Variants in NAV3 observed in about 807,000 individuals in gnomAD.
NAV3 encodes the protein neuron navigator 3, also known as pore membrane and/or filament interacting like protein 1.
NAV3 carries 87 observed loss-of-function variants against 244.7 expected under a neutral mutation model. The ratio of observed to expected loss-of-function variants is 0.36; its 90% CI spans 0.30 to 0.42. NAV3 has a LOEUF of 0.42. Ranked by LOEUF, NAV3 falls within the 20% of genes least tolerant of loss-of-function variation. The probability of loss-of-function intolerance (pLI) is 1.00; values close to 1 mark genes in which losing one functional copy is unlikely to be tolerated. For missense variants in NAV3, 2,663 were observed against 2,893.3 expected, an observed-to-expected ratio of 0.92 and a Z score of 1.83; for synonymous variants, 1,126 against 1,042.2, an observed-to-expected ratio of 1.08 and a Z score of -1.55.
chr12:77,841,860 C>A (rs1875717790), intron 1 of NAV3, among the ~76,000 whole-genome samples: 1 of 152,108 alleles, frequency 6.6e-6, no homozygotes, highest in Non-Finnish European at 1.5e-5. Flanking sequence ...TGGAGGATTG[C>A]ATAAGAGGCT....
intron 3 of NAV3, among the ~76,000 whole-genome samples, chr12:77,960,450 T>TACACACACACAC (rs35625985): frequency 2.1e-5 from 3 of 144,354 alleles, no homozygotes; most frequent in Admixed American, 7.1e-5. Context: ...TATATATATA[T>TACACACACACAC]ACACACACAC....
intron 12 of NAV3, among the ~76,000 whole-genome samples, chr12:78,109,177 T>A (rs1386644312): frequency 1.3e-5 from 2 of 151,980 alleles, no homozygotes; most frequent in Non-Finnish European, 2.9e-5. Context: ...TTAACAACTA[T>A]ATGCTGAAAA....
intron 8 of NAV3, among the ~76,000 whole-genome samples, chr12:78,012,039 G>A (rs533647246): frequency 3.6e-4 from 55 of 152,042 alleles, no homozygotes; most frequent in Non-Finnish European, 7.4e-4. Flanking sequence ...CTACACATGG[G>A]GATTACAATT....
At chr12:77,974,445 C>G (rs1485561747) in intron 5 of NAV3, among the ~76,000 whole-genome samples, 1 of 150,384 alleles carries the variant, frequency 6.6e-6, no homozygotes, top group East Asian at 2.0e-4. Flanking sequence ...CCACGGCCAG[C>G]TGTTTATTAT....
Position 77,968,638 on chromosome 12 carries a change from G to T in NAV3, c.607G>T (p.Val203Phe). 6.2e-7 allele frequency: 1 copy of T among 1,614,136 alleles called. No homozygotes were observed. ...YQSLVELQQR[V>F]THASPPSEAS... ...GTCCTTGGTGGAACTTCAGCAGCGA[G>T]TTACTCACGCTTCCCCTCCATCGGA... Residue 203 changes from valine (V) to phenylalanine (F), a missense_variant, in exon 5 of 40, where the codon GTT becomes TTT. Physicochemically the swap from Val to Phe is conservative, Grantham distance 50. Transcript: ENST00000397909.
At chr12:78,197,537 A>G (rs1485930198) in intron 35 of NAV3, 136 bp downstream of exon 35, 5 of 581,680 alleles carry the variant, frequency 8.6e-6, no homozygotes, top group African/African-American at 5.7e-5. Flanking sequence ...AAAACTGTAC[A>G]TATTGATTGT....
intron 2 of NAV3, among the ~76,000 whole-genome samples, chr12:77,786,758 T>G (rs1053378570): frequency 4.6e-5 from 7 of 152,068 alleles, no homozygotes; most frequent in Admixed American, 4.6e-4. Flanking sequence ...AGTCACCAGC[T>G]TTTTTCATTT....
intron 1 of NAV3, among the ~76,000 whole-genome samples, chr12:77,879,038 G>C (rs1882246749): frequency 6.6e-6 from 1 of 151,980 alleles, no homozygotes; most frequent in African/African-American, 2.4e-5. Flanking sequence ...TATTTTTACT[G>C]ACCCTTGCAG....
chr12:77,691,337 GTATA>G (rs1182535904), intron 2 of NAV3, among the ~76,000 whole-genome samples: 1 of 104,256 alleles, frequency 9.6e-6, no homozygotes, highest in Non-Finnish European at 1.9e-5. Flanking sequence ...GTGTATGTGT[GTATA>G]TATATATATA....
chr12:77,635,616 G>A (rs1330144805), intron 2 of NAV3, among the ~76,000 whole-genome samples: 1 of 152,078 alleles, frequency 6.6e-6, no homozygotes, highest in Non-Finnish European at 1.5e-5. Flanking sequence ...GATAAATTGG[G>A]ACTGATTAAT....
intron 8 of NAV3, among the ~76,000 whole-genome samples, chr12:78,013,889 C>G (rs1316460668): frequency 6.6e-6 from 1 of 151,704 alleles, no homozygotes; most frequent in Non-Finnish European, 1.5e-5. Context: ...TTTTAAAACT[C>G]CTTTTTTTAT....
intron 2 of NAV3, among the ~76,000 whole-genome samples, chr12:77,666,315 A>C (rs778844620): frequency 5.3e-5 from 8 of 151,386 alleles, no homozygotes; most frequent in Non-Finnish European, 8.8e-5. Flanking sequence ...GTAACTTCTC[A>C]TTTTGAAACC....
intron 8 of NAV3, among the ~76,000 whole-genome samples, chr12:78,018,893 C>T (rs1876680984): frequency 6.6e-6 from 1 of 151,944 alleles, no homozygotes; most frequent in Admixed American, 6.6e-5. Flanking sequence ...GTAGAGTGGC[C>T]CACAATAGAT....
intron 9 of NAV3, chr12:78,036,695 T>G (rs1253032094): frequency 3.8e-6 from 2 of 531,450 alleles, no homozygotes; most frequent in African/African-American, 3.8e-5. Context: ...CAAGCTAAAT[T>G]GGGGGCAAAT....
intron 5 of NAV3, among the ~76,000 whole-genome samples, chr12:77,971,267 A>T (rs1892977011): frequency 6.6e-6 from 1 of 152,108 alleles, no homozygotes; most frequent in Non-Finnish European, 1.5e-5. Context: ...GACTTTTAGC[A>T]AAATTTTCTC....
intron 2 of NAV3, among the ~76,000 whole-genome samples, chr12:77,722,650 G>A (rs1244566365): frequency 1.3e-5 from 2 of 152,034 alleles, no homozygotes; most frequent in African/African-American, 2.4e-5. Context: ...GGGTTGTTAA[G>A]TTCTTTGGAG....
chr12:77,845,907 C>A (rs541740883), intron 1 of NAV3, among the ~76,000 whole-genome samples: 1 of 152,238 alleles, frequency 6.6e-6, no homozygotes, highest in African/African-American at 2.4e-5. Flanking sequence ...CCCACCTCAA[C>A]CTCCCAAAGT....
intron 2 of NAV3, among the ~76,000 whole-genome samples, chr12:77,786,964 G>A (rs142401043): frequency 2.5e-4 from 38 of 152,044 alleles, no homozygotes; most frequent in African/African-American, 9.2e-4. Context: ...AAAGAGCCTT[G>A]TTGTTTAATA....
intron 9 of NAV3, among the ~76,000 whole-genome samples, chr12:78,025,619 A>G (rs997058125): frequency 2.1e-5 from 3 of 146,334 alleles, no homozygotes; most frequent in Non-Finnish European, 3.0e-5. Context: ...AAAAAAAAAA[A>G]AAAAGAAATT....
Sources: gnomAD v4.1 joint callset for allele counts (sites outside exome capture counted in the v4.1 genomes callset) on GRCh38, gnomAD v4.1.1 for gene constraint, MANE v1.5 for transcripts, NCBI Gene and HGNC (gene_info 2026-07-23, HGNC 2026-07-21) for gene names.